Variants in ZNF469 observed in about 807,000 individuals in gnomAD.
ZNF469 encodes zinc finger protein 469.
In ZNF469, 1 loss-of-function variant was observed where a neutral mutation model predicts 1.0. The observed-to-expected ratio is 1.00, with a 90% CI of 0.35 to 4.73. The LOEUF (loss-of-function observed/expected upper bound fraction) is 4.73. ZNF469 is among the 30% of genes most tolerant of loss of function. The pLI is 0.16. For missense variants in ZNF469, 6,100 were observed against 5,356.3 expected, an observed-to-expected ratio of 1.14 and a Z score of -4.33; for synonymous variants, 2,703 against 2,363.4, an observed-to-expected ratio of 1.14 and a Z score of -4.17.
the ZNF469 span, among the ~76,000 whole-genome samples, chr16:88,209,477 G>A: frequency 1.3e-5 from 2 of 151,984 alleles, no homozygotes; most frequent in Admixed American, 1.3e-4. Context: ...ATTTTTAGTA[G>A]AGACGGGGTT....
At chr16:88,302,394 C>T in the ZNF469 span, 8 of 152,272 alleles carry the variant, frequency 5.3e-5, no homozygotes. Context: ...ATATTTGGTG[C>T]TCTGTGTGTC....
the ZNF469 span, among the ~76,000 whole-genome samples, chr16:88,332,447 G>A: frequency 3.3e-5 from 5 of 152,322 alleles, no homozygotes; most frequent in Non-Finnish European, 7.4e-5. Context: ...GCTGAGCACC[G>A]CCACGCTTGG....
chr16:88,223,419 G>T, the ZNF469 span, among the ~76,000 whole-genome samples: 1 of 152,162 alleles, frequency 6.6e-6, no homozygotes, highest in Non-Finnish European at 1.5e-5. Flanking sequence ...AAATGACCCA[G>T]TCTTGGGTAT....
chr16:88,170,296 A>G, the ZNF469 span, among the ~76,000 whole-genome samples: 1 of 152,192 alleles, frequency 6.6e-6, no homozygotes, highest in Admixed American at 6.5e-5. The surrounding 1 kb of genome is among the most constrained non-coding windows in gnomAD (Gnocchi z 4.2). Context: ...GTGTGTGATG[A>G]GAATGCTTAG....
At chr16:88,143,705 A>G in the ZNF469 span, among the ~76,000 whole-genome samples, 12 of 152,328 alleles carry the variant, frequency 7.9e-5, no homozygotes, top group Middle Eastern at 3.4e-3. Context: ...GAAACATCAC[A>G]CACGTTTGCT....
intron 1 of ZNF469, among the ~76,000 whole-genome samples, chr16:88,390,878 C>T (rs897883221): frequency 6.6e-6 from 1 of 152,230 alleles, no homozygotes; most frequent in South Asian, 2.1e-4. Context: ...AAGGAAGCAG[C>T]ATAGGCAAAG....
chr16:88,418,584 A>C (rs1905366766), intron 1 of ZNF469, among the ~76,000 whole-genome samples: 3 of 144,076 alleles, frequency 2.1e-5, no homozygotes, highest in African/African-American at 5.2e-5. Context: ...CGAAGACATC[A>C]TTTTCTTTCC....
the ZNF469 span, among the ~76,000 whole-genome samples, chr16:88,287,390 A>T: frequency 6.6e-6 from 1 of 152,224 alleles, no homozygotes; most frequent in African/African-American, 2.4e-5. Flanking sequence ...TGCATTGTAG[A>T]CAGTGGTTGT....
the ZNF469 span, among the ~76,000 whole-genome samples, chr16:88,291,467 C>T: frequency 2.6e-4 from 39 of 152,288 alleles, no homozygotes; most frequent in South Asian, 6.2e-4. Flanking sequence ...GTCCTGCTGC[C>T]GGGGAGGCAG....
chr16:88,167,843 CT>C, the ZNF469 span, among the ~76,000 whole-genome samples: 5 of 152,248 alleles, frequency 3.3e-5, no homozygotes, highest in African/African-American at 7.2e-5. Context: ...GGACGGACCG[CT>C]CCTTACAGCG....
In ZNF469 at chr16:88,428,426, G is replaced by A; in HGVS notation, c.956G>A (p.Gly319Asp). ...PQGAWPEEAV[G>D]TGPAYPLPTQ... ...GGAGCGTGGCCGGAGGAGGCCGTGG[G>A]CACGGGCCCTGCCTACCCGCTGCCC... Residue 319 changes from glycine to aspartate, a missense_variant, in exon 3 of 3, where the codon GGC becomes GAC. By Grantham distance (94) the Gly-to-Asp change is moderately conservative (BLOSUM62 -1). Coordinates refer to ENST00000565624, the MANE Select transcript of ZNF469 (RefSeq NM_001367624.2). 6.5e-7 allele frequency: 1 copy of A among 1,548,040 alleles called. No individual in the cohort carries two copies.
At chr16:88,242,438 G>A in the ZNF469 span, among the ~76,000 whole-genome samples, 1 of 152,104 alleles carries the variant, frequency 6.6e-6, no homozygotes, top group South Asian at 2.1e-4. Context: ...ACCTCACTTG[G>A]CCATCCCTCT....
the ZNF469 span, among the ~76,000 whole-genome samples, chr16:88,315,758 G>A: frequency 1.3e-5 from 2 of 152,188 alleles, no homozygotes; most frequent in Non-Finnish European, 2.9e-5. Context: ...CGACCTCCTG[G>A]CCTGGGTTGG....
the ZNF469 span, among the ~76,000 whole-genome samples, chr16:88,143,975 C>T: frequency 2.0e-5 from 3 of 152,138 alleles, no homozygotes; most frequent in East Asian, 3.9e-4. Context: ...CCCTTCCTCC[C>T]GCCCATCGTC....
At chr16:88,243,185 C>T in the ZNF469 span, among the ~76,000 whole-genome samples, 1 of 152,214 alleles carries the variant, frequency 6.6e-6, no homozygotes, top group Non-Finnish European at 1.5e-5. Flanking sequence ...ATAAGCTCCT[C>T]ATGTGACCAC....
At chr16:88,368,339 G>A in the ZNF469 span, among the ~76,000 whole-genome samples, 2 of 152,268 alleles carry the variant, frequency 1.3e-5, no homozygotes, top group Non-Finnish European at 2.9e-5. Context: ...CCATCCCTGA[G>A]CCGGCAGCAG....
the ZNF469 span, among the ~76,000 whole-genome samples, chr16:88,122,691 A>G: frequency 6.6e-6 from 1 of 152,148 alleles, no homozygotes; most frequent in Non-Finnish European, 1.5e-5. Context: ...GAGCTGGAGG[A>G]TTTGTACACA....
the ZNF469 span, among the ~76,000 whole-genome samples, chr16:88,228,461 G>C: frequency 6.6e-6 from 1 of 152,264 alleles, no homozygotes; most frequent in African/African-American, 2.4e-5. Flanking sequence ...AGCCCTGTCA[G>C]AGCAGAGGAG....
chr16:88,236,628 A>T, the ZNF469 span, among the ~76,000 whole-genome samples: 2 of 152,196 alleles, frequency 1.3e-5, no homozygotes, highest in Admixed American at 6.5e-5. Context: ...GCACTTTGGG[A>T]GGCCGAGGCA....
Sources: allele counts gnomAD v4.1 joint callset (sites outside exome capture counted in the v4.1 genomes callset), GRCh38; gene constraint gnomAD v4.1.1; non-coding constraint Gnocchi (gnomAD v3.1); transcripts MANE v1.5; gene names NCBI Gene and HGNC (gene_info 2026-07-23, HGNC 2026-07-21).